TMEM248: variants seen among roughly 807,000 people sequenced by gnomAD.
The protein encoded by TMEM248 is transmembrane protein 248.
A neutral mutation model predicts 30.3 loss-of-function variants in TMEM248; 9 were observed. That is an observed-to-expected ratio of 0.30 (90% CI 0.18 to 0.52). TMEM248 has a LOEUF of 0.52. Among genes scored for constraint, TMEM248 ranks in the 20% least tolerant of loss-of-function variants. The pLI is 0.97. For synonymous variants in TMEM248, 184 were observed against 154.4 expected, an observed-to-expected ratio of 1.19 and a Z score of -1.42; for missense variants, 338 against 403.3, an observed-to-expected ratio of 0.84 and a Z score of 1.39.
intron 1 of TMEM248, chr7:66,930,765 C>T (rs1342522840): frequency 6.6e-6 from 1 of 152,598 alleles, no homozygotes; most frequent in African/African-American, 2.4e-5. Flanking sequence ...GCATCGATGA[C>T]TGTTGTTTAC....
chr7:66,923,180 C>T (rs926777020), intron 1 of TMEM248, among the ~76,000 whole-genome samples: 1 of 149,678 alleles, frequency 6.7e-6, no homozygotes, highest in Admixed American at 6.7e-5. Flanking sequence ...GAGTCTTGCT[C>T]TGTTGCCTAG....
At position 66,956,527 on chromosome 7, in the gene TMEM248, T is replaced by G. The variant is rs1381063582; in HGVS notation, c.*1005T>G. 1 of 152,186 alleles carries G rather than the reference T, an allele frequency of 6.6e-6. No individual in the cohort carries two copies. The highest frequency in any genetic ancestry group is 1.5e-5 in the Non-Finnish European group (1 of 68,032). The allele number at this position is 152,186 out of a possible 1,614,324, so 9.4% of individuals were successfully genotyped here. A position where few individuals can be genotyped will look rare whatever the true frequency, so the allele number is the denominator to read the frequency against. On this transcript the variant is annotated 3_prime_UTR_variant, in exon 7 of 7. Coordinates refer to ENST00000341567, the MANE Select transcript of TMEM248 (RefSeq NM_017994.5). ...GTGGATTTTCTCCCTTTTGTTTTGC[T>G]TTTATTTTCATGCTACTAACATATC...
chr7:66,936,420 A>G (rs2129222689), intron 1 of TMEM248, among the ~76,000 whole-genome samples: 1 of 152,270 alleles, frequency 6.6e-6, no homozygotes, highest in South Asian at 2.1e-4. Flanking sequence ...CTTGGTCATG[A>G]TGAATGATCT....
rs1792355826 is a variant in TMEM248, at chr7:66,954,506, C to G, written c.925-996C>G. 4.6e-5 allele frequency among the ~76,000 whole-genome samples: 7 copies of G among 151,310 alleles called. No homozygotes were observed. The South Asian group carries it at 1.5e-3, about 32-fold the overall frequency. The stretch of plus-strand genomic sequence containing the variant: ...GCAGCCTTGACCTCCCAGGCTCAAG[C>G]GATCGTCAACCTCCTGAGTAGCTGG... On this transcript the variant is annotated intron_variant, in intron 6 of 6. Transcript: ENST00000341567.
Position 66,956,985 on chromosome 7 carries a change from A to T in TMEM248, c.*1463A>T, listed in dbSNP as rs556855250. The stretch of plus-strand genomic sequence containing the variant: ...CCACTGCTCTCGGCCCTCTTACACC[A>T]TTTTGTTTGATTGTCTAGTCCCTGT... On this transcript the variant is annotated 3_prime_UTR_variant, in exon 7 of 7. Transcript: ENST00000341567. The T allele has an allele frequency of 3.9e-5, 6 of 152,472 alleles. No homozygotes were observed. The highest frequency in any genetic ancestry group is 6.6e-5 in the Admixed American group (1 of 15,252). 9.4% of individuals were successfully genotyped at this position (152,472 alleles called of 1,614,324 possible). A position where few individuals can be genotyped will look rare whatever the true frequency, so the allele number is the denominator to read the frequency against.
rs769247167 is a variant in TMEM248 at position 66,941,880 on chromosome 7, C to G, written c.15C>G (p.Asn5Lys). The G allele has an allele frequency of 6.2e-7, 1 of 1,613,818 alleles. No individual in the cohort carries two copies. The highest frequency in any genetic ancestry group is 1.1e-5 in the South Asian group (1 of 90,996). MFSI[N>K]PLENLKVYIS... is the part of the protein sequence containing the mutation. ...TGATCAGAATAATGTTCAGCATCAA[C>G]CCCCTGGAGAACCTGAAGGTGTACA... is the stretch of plus-strand genomic sequence containing the variant. Residue 5 changes from asparagine to lysine, a missense_variant, in exon 2 of 7, where the codon AAC becomes AAG. By Grantham distance (94) the Asn-to-Lys change is moderately conservative. Coordinates refer to ENST00000341567, the MANE Select transcript of TMEM248 (RefSeq NM_017994.5).
chr7:66,951,043 G>T lies in TMEM248; in HGVS notation c.688G>T (p.Ala230Ser). The change falls in exon 5 of 7, where the codon GCC (alanine) becomes TCC (serine). Residue 230 changes from alanine to serine, a missense_variant. Coordinates refer to ENST00000341567, the MANE Select transcript of TMEM248 (RefSeq NM_017994.5). ...TGCCAGAGATGCCAACACAAAATACGCCCAAGATTACAATCCTTTCTGGTG... is the reference window on the plus strand; with the variant it reads ...TGCCAGAGATGCCAACACAAAATACTCCCAAGATTACAATCCTTTCTGGTG... The part of the protein sequence containing the change: ...TTARDANTKY[A>S]QDYNPFWCYK... The T allele has an allele frequency of 6.2e-7, 1 of 1,613,102 alleles. No homozygotes were observed. Among genetic ancestry groups the T allele is most frequent in the Non-Finnish European group, 8.5e-7 (1 of 1,179,736 alleles).
At chr7:66,939,041 T>A (rs1791878765) in intron 1 of TMEM248, among the ~76,000 whole-genome samples, 1 of 152,230 alleles carries the variant, frequency 6.6e-6, no homozygotes, top group Admixed American at 6.5e-5. Context: ...GGAAAGATGC[T>A]TTGTTTCAGG....
intron 5 of TMEM248, among the ~76,000 whole-genome samples, chr7:66,952,516 C>T (rs1193031574): frequency 6.6e-6 from 1 of 152,158 alleles, no homozygotes; most frequent in East Asian, 1.9e-4. Flanking sequence ...GTTGGTAAAG[C>T]AGTGTGTTGA....
Position 66,941,871 on chromosome 7 carries a change from C to A in TMEM248, c.6C>A (p.Phe2Leu), listed in dbSNP as rs530968962. 6 of 1,613,446 alleles carry A rather than the reference C, an allele frequency of 3.7e-6. No individual in the cohort carries two copies. The highest frequency in any genetic ancestry group is 5.1e-6 in the Non-Finnish European group (6 of 1,179,640). Residue 2 changes from phenylalanine to leucine, a missense_variant, in exon 2 of 7, where the codon TTC becomes TTA. Transcript: ENST00000341567. ...AGGTGGAGCTGATCAGAATAATGTTCAGCATCAACCCCCTGGAGAACCTGA... is the reference window on the plus strand; with the variant it reads ...AGGTGGAGCTGATCAGAATAATGTTAAGCATCAACCCCCTGGAGAACCTGA... MFSINPLENLKV... is the reference protein window; with the variant it reads MLSINPLENLKV...
intron 1 of TMEM248, among the ~76,000 whole-genome samples, chr7:66,923,407 G>A (rs541787226): frequency 6.6e-6 from 1 of 152,276 alleles, no homozygotes; most frequent in East Asian, 1.9e-4. Context: ...CTCCCAAAGT[G>A]CTGGAAGTAT....
Position 66,936,993 on chromosome 7 carries a change from T to C in TMEM248, c.-18-4855T>C, listed in dbSNP as rs112210570. 1.3e-3 allele frequency among the ~76,000 whole-genome samples: 194 copies of C among 152,320 alleles called. 1 individual carries two copies. The highest frequency in any genetic ancestry group is 4.5e-3 in the African/African-American group (187 of 41,596). ...GTTTGCTCTTGTTTTTCTAATTCTTTAAGATGCATTGCATGTTGCTTTTTT... is the reference window on the plus strand; with the variant it reads ...GTTTGCTCTTGTTTTTCTAATTCTTCAAGATGCATTGCATGTTGCTTTTTT... On this transcript the variant is annotated intron_variant, in intron 1 of 6. Coordinates refer to ENST00000341567, the MANE Select transcript of TMEM248 (RefSeq NM_017994.5).
At chr7:66,935,247 A>G (rs1010517984) in intron 1 of TMEM248, among the ~76,000 whole-genome samples, 1 of 151,362 alleles carries the variant, frequency 6.6e-6, no homozygotes. Context: ...CAGTGGCGCA[A>G]TCTCAGCTCA....
Position 66,948,685 on chromosome 7 carries a change from C to G in TMEM248, c.587C>G (p.Pro196Arg). 1 of 1,610,080 alleles carries G rather than the reference C, an allele frequency of 6.2e-7. No individual in the cohort carries two copies. Among genetic ancestry groups the G allele is most frequent in the Non-Finnish European group, 8.5e-7 (1 of 1,176,782 alleles). ...MTLTASPGVF[P>R]VTVQPPHCVP... ...CTCACGGCCAGCCCTGGGGTGTTCC[C>G]CGTCACTGTGTAAGTGTACCCGGCA... The change falls in exon 4 of 7, where the codon CCC (proline) becomes CGC (arginine). Residue 196 changes from proline to arginine, a missense_variant. By Grantham distance (103) the Pro-to-Arg change is moderately radical. Transcript: ENST00000341567.
chr7:66,950,095 T>G (rs1332431465), intron 4 of TMEM248, among the ~76,000 whole-genome samples: 1 of 151,922 alleles, frequency 6.6e-6, no homozygotes, highest in African/African-American at 2.4e-5. Flanking sequence ...GCGCAATGGC[T>G]CACACCTGTA....
At chr7:66,941,628 T>A (rs1791961272) in intron 1 of TMEM248, among the ~76,000 whole-genome samples, 1 of 151,584 alleles carries the variant, frequency 6.6e-6, no homozygotes, top group African/African-American at 2.4e-5. Flanking sequence ...TGAAAGAGAA[T>A]ATGTATTCAG....
chr7:66,948,694 T>TGTAA lies in TMEM248; in HGVS notation c.596+3_596+6dup. On this transcript the variant is annotated stop_gained and frameshift_variant and splice_region_variant. Transcript: ENST00000341567. LOFTEE classifies it high-confidence loss of function. ...AGCCCTGGGGTGTTCCCCGTCACTGTGTAAGTGTACCCGGCACCTGATGAA... is the reference window on the plus strand; with the variant it reads ...AGCCCTGGGGTGTTCCCCGTCACTGTGTAAGTAAGTGTACCCGGCACCTGATGAA... The TGTAA allele has an allele frequency of 6.2e-7, 1 of 1,603,546 alleles. No homozygotes were observed. The highest frequency in any genetic ancestry group is 8.5e-7 in the Non-Finnish European group (1 of 1,171,482).
In TMEM248 at chr7:66,921,417, C is replaced by G. The variant is rs1791381104; in HGVS notation, c.-63C>G. The G allele has an allele frequency of 6.7e-6, 1 of 149,894 alleles. No homozygotes were observed. The highest frequency in any genetic ancestry group is 2.4e-5 in the African/African-American group (1 of 41,192). 9.3% of individuals were successfully genotyped at this position (149,894 alleles called of 1,614,324 possible). A position where few individuals can be genotyped will look rare whatever the true frequency, so the allele number is the denominator to read the frequency against. On this transcript the variant is annotated 5_prime_UTR_variant, in exon 1 of 7. Transcript: ENST00000341567. ...GCGACCGCGGGCGTCCGCCGAGCAG[C>G]TGGCCCGGCTGGGCCCGGGGCGCGC...
chr7:66,948,820 C>T (rs887849017), intron 4 of TMEM248, 126 bp downstream of exon 4: 1 of 1,016,752 alleles, frequency 9.8e-7, no homozygotes, highest in Admixed American at 2.8e-5. Context: ...ATTATCTCTA[C>T]TCGGACCTAT....
Sources: allele counts gnomAD v4.1 joint callset (sites outside exome capture counted in the v4.1 genomes callset), GRCh38; gene constraint gnomAD v4.1.1; transcripts MANE v1.5; gene names NCBI Gene and HGNC (gene_info 2026-07-23, HGNC 2026-07-21).